The following LEPR variants were observed in gnomAD, a reference collection of about 807,000 sequenced individuals.
The protein encoded by LEPR is OB receptor.
Under a neutral mutation model 114.7 loss-of-function variants are expected in LEPR, and 56 were observed. The ratio of observed to expected loss-of-function variants is 0.49; its 90% CI spans 0.39 to 0.61. The LOEUF (loss-of-function observed/expected upper bound fraction) is 0.61, where lower values mean the gene tolerates loss of function less well. LEPR is among the 20% of genes least tolerant of loss of function. The pLI, the probability that LEPR is intolerant of heterozygous loss-of-function variation, is 0.00. For synonymous variants in LEPR, 443 were observed against 461.4 expected (o/e 0.96, Z 0.51); for missense variants, 1,202 against 1,352.9 (o/e 0.89, Z 1.75).
At chr1:65,582,815 C>T (rs1655079066) in intron 5 of LEPR, among the ~76,000 whole-genome samples, 1 of 152,146 alleles carries the variant, frequency 6.6e-6, no homozygotes, top group African/African-American at 2.4e-5. Flanking sequence ...AGCTAATAGA[C>T]ACGATATAAT....
At chr1:65,560,363 GGT>G (rs1404579219) in intron 2 of LEPR, among the ~76,000 whole-genome samples, 1 of 12,578 alleles carries the variant, frequency 8.0e-5, no homozygotes, top group African/African-American at 3.1e-4. Context: ...GTCTGTTGTT[GGT>G]GTATAAGAAT....
In LEPR at chr1:65,636,441, A is replaced by T. The variant is rs1490892600; in HGVS notation, c.2924A>T (p.Glu975Val). The change falls in exon 20 of 20, where the codon GAG (glutamate) becomes GTG (valine). Residue 975 changes from glutamate (E) to valine (V), a missense_variant. Glu to Val is a moderately radical substitution (Grantham distance 121). Coordinates refer to ENST00000349533, the MANE Select transcript of LEPR (RefSeq NM_002303.6). ...SEAEGTEVTY[E>V]DESQRQPFVK... ...GCTGAGGGTACTGAGGTAACCTATG[A>T]GGACGAAAGCCAGAGACAACCCTTT... 6.2e-7 allele frequency: 1 copy of T among 1,613,960 alleles called. No homozygotes were observed. Among genetic ancestry groups the T allele is most frequent in the African/African-American group, 1.3e-5 (1 of 74,924 alleles).
chr1:65,555,546 G>C (rs1040785553), intron 2 of LEPR, among the ~76,000 whole-genome samples: 2 of 152,082 alleles, frequency 1.3e-5, no homozygotes, highest in African/African-American at 4.8e-5. Flanking sequence ...CTTGTATCTG[G>C]TCTGTAAGAC....
At chr1:65,423,983 A>G (rs72921432) in intron 1 of LEPR, among the ~76,000 whole-genome samples, 3,293 of 152,326 alleles carry the variant, frequency 0.022, 125 homozygotes, top group African/African-American at 0.076. Context: ...CCATAAGCTC[A>G]ATAAGGTGGC....
chr1:65,496,447 C>T (rs771993143), intron 2 of LEPR, among the ~76,000 whole-genome samples: 3 of 151,942 alleles, frequency 2.0e-5, no homozygotes, highest in Non-Finnish European at 2.9e-5. Context: ...TGTGGTTGCA[C>T]GTGCCTGTAG....
At chr1:65,446,978 C>T (rs993428342) in intron 2 of LEPR, among the ~76,000 whole-genome samples, 3 of 151,940 alleles carry the variant, frequency 2.0e-5, no homozygotes, top group Admixed American at 6.6e-5. Context: ...ACTACAGGTG[C>T]CCACCACCAT....
At chr1:65,537,185 C>A (rs1490805085) in intron 2 of LEPR, among the ~76,000 whole-genome samples, 1 of 152,184 alleles carries the variant, frequency 6.6e-6, no homozygotes. Flanking sequence ...AACTAAAAAT[C>A]TCACCTTTCG....
chr1:65,580,965 G>A (rs2100848232), intron 5 of LEPR, among the ~76,000 whole-genome samples: 1 of 152,220 alleles, frequency 6.6e-6, no homozygotes, highest in African/African-American at 2.4e-5. Context: ...ATACACAAGG[G>A]TCAGATTATG....
At chr1:65,542,784 G>T (rs1177356655) in intron 2 of LEPR, among the ~76,000 whole-genome samples, 1 of 151,886 alleles carries the variant, frequency 6.6e-6, no homozygotes, top group East Asian at 1.9e-4. Flanking sequence ...CCCTGCAAAG[G>T]ATATGAACTC....
At chr1:65,590,200 A>T (rs1655591715) in intron 5 of LEPR, among the ~76,000 whole-genome samples, 1 of 145,826 alleles carries the variant, frequency 6.9e-6, no homozygotes, top group Non-Finnish European at 1.5e-5. Context: ...ATATTTTAAA[A>T]TAATTTCTGT....
At chr1:65,545,429 T>C (rs1651616512) in intron 2 of LEPR, among the ~76,000 whole-genome samples, 1 of 151,648 alleles carries the variant, frequency 6.6e-6, no homozygotes, top group South Asian at 2.1e-4. Flanking sequence ...ACCAACAGTG[T>C]AAAAGTGTTC....
chr1:65,421,582 A>G, intron 1 of LEPR: 2 of 1,118,148 alleles, frequency 1.8e-6, no homozygotes, highest in Non-Finnish European at 1.3e-6. Flanking sequence ...TGCTATAAAC[A>G]TGTAGATAGT....
At chr1:65,456,264 C>T (rs957933674) in intron 2 of LEPR, among the ~76,000 whole-genome samples, 4 of 152,086 alleles carry the variant, frequency 2.6e-5, no homozygotes, top group Non-Finnish European at 4.4e-5. Context: ...ACGCTGGGAG[C>T]TGTAGACCAG....
At chr1:65,421,330 A>C (rs12145690) in intron 1 of LEPR, 731,243 of 1,532,774 alleles carry the variant, frequency 0.48, 178,993 homozygotes, top group East Asian at 0.86. Flanking sequence ...ATGGACAGAG[A>C]AGAAACCAGT....
intron 5 of LEPR, 73 bp from the exon 6 acceptor site, chr1:65,592,584 A>C: frequency 6.6e-7 from 1 of 1,519,786 alleles, no homozygotes; most frequent in Non-Finnish European, 9.0e-7. Flanking sequence ...ATTAGTATTT[A>C]GTATCCTGCT....
chr1:65,457,454 T>C (rs1040669965), intron 2 of LEPR, among the ~76,000 whole-genome samples: 3 of 152,158 alleles, frequency 2.0e-5, no homozygotes, highest in Admixed American at 1.3e-4. Context: ...TCTCAGAAAT[T>C]CTTTCCTCAG....
chr1:65,638,422 T>G lies in LEPR; in HGVS notation c.*1407T>G, dbSNP rs1257619006. On this transcript the variant is annotated 3_prime_UTR_variant, in exon 20 of 20. Transcript: ENST00000349533. ...AAATTAAGAAACCTGCACATTTGGA[T>G]GTTCAGTGGCAAGAAGACCTTCAAG... The G allele has an allele frequency of 6.6e-6, 1 of 152,180 alleles. No homozygotes were observed. The highest frequency in any genetic ancestry group is 2.4e-5 in the African/African-American group (1 of 41,450). 9.4% of individuals were successfully genotyped at this position (152,180 alleles called of 1,614,324 possible). A position where few individuals can be genotyped will look rare whatever the true frequency, so the allele number is the denominator to read the frequency against.
chr1:65,546,120 A>G lies in LEPR; in HGVS notation c.-20-19426A>G, dbSNP rs534343023. ...TTTGTCAAAGATCAGATAGTTGTAGATATGCAGTGTTATTTCTGAGGGCTC... is the reference window on the plus strand; with the variant it reads ...TTTGTCAAAGATCAGATAGTTGTAGGTATGCAGTGTTATTTCTGAGGGCTC... On this transcript the variant is annotated intron_variant, in intron 2 of 19. Coordinates refer to ENST00000349533, the MANE Select transcript of LEPR (RefSeq NM_002303.6). Among the ~76,000 whole-genome samples, 17 of 152,128 alleles carry G rather than the reference A, an allele frequency of 1.1e-4. No individual in the cohort carries two copies. The East Asian group carries it at 3.3e-3, about 29-fold the overall frequency.
intron 2 of LEPR, among the ~76,000 whole-genome samples, chr1:65,551,427 T>C (rs1652347727): frequency 6.6e-6 from 1 of 152,122 alleles, no homozygotes; most frequent in Admixed American, 6.5e-5. Context: ...TTTGACTTCT[T>C]CCTAGTCTTG....
Sources: gnomAD v4.1 joint callset for allele counts (sites outside exome capture counted in the v4.1 genomes callset) on GRCh38, gnomAD v4.1.1 for gene constraint, MANE v1.5 for transcripts, NCBI Gene and HGNC (gene_info 2026-07-23, HGNC 2026-07-21) for gene names.